The following ZNHIT6 variants were observed in gnomAD, a reference collection of about 807,000 sequenced individuals.
ZNHIT6 encodes zinc finger HIT-type containing 6.
Under a neutral mutation model 57.2 loss-of-function variants are expected in ZNHIT6, and 45 were observed. The observed-to-expected ratio is 0.79, with a 90% CI of 0.62 to 1.01. The LOEUF (loss-of-function observed/expected upper bound fraction) is 1.01. ZNHIT6 is among the 50% of genes least tolerant of loss of function. The pLI, the probability that ZNHIT6 is intolerant of heterozygous loss-of-function variation, is 0.00. For synonymous variants in ZNHIT6, 188 were observed against 190.0 expected, an observed-to-expected ratio of 0.99 and a Z score of 0.09; for missense variants, 528 against 567.3, an observed-to-expected ratio of 0.93 and a Z score of 0.70.
intron 8 of ZNHIT6, among the ~76,000 whole-genome samples, chr1:85,674,676 T>C (rs529469794): frequency 6.6e-6 from 1 of 152,220 alleles, no homozygotes; most frequent in Non-Finnish European, 1.5e-5. Flanking sequence ...CTGTTTCATC[T>C]TCTAAATTCA....
Position 85,691,763 on chromosome 1 carries a change from G to A in ZNHIT6, c.1019+10394C>T, listed in dbSNP as rs866627379. 2.0e-5 allele frequency among the ~76,000 whole-genome samples: 3 copies of A among 152,016 alleles called. No homozygotes were observed. The South Asian group carries it at 6.2e-4, about 32-fold the overall frequency. Reference sequence around the variant, plus strand: ...TAGCAGAGCGTGGTGGTGCAAGCCTGTAGTCTCAGCTCCCTGAGAGGCGGA... The same window carrying A: ...TAGCAGAGCGTGGTGGTGCAAGCCTATAGTCTCAGCTCCCTGAGAGGCGGA... On this transcript the variant is annotated intron_variant, in intron 5 of 9. Coordinates refer to ENST00000370574, the MANE Select transcript of ZNHIT6 (RefSeq NM_017953.4).
chr1:85,667,701 G>C (rs987854013), intron 8 of ZNHIT6, among the ~76,000 whole-genome samples: 2 of 150,392 alleles, frequency 1.3e-5, no homozygotes, highest in Non-Finnish European at 1.5e-5. Flanking sequence ...GGGAGGCTGA[G>C]GCAGGCAGAT....
At chr1:85,689,633 G>C (rs867763545) in intron 5 of ZNHIT6, among the ~76,000 whole-genome samples, 1 of 152,160 alleles carries the variant, frequency 6.6e-6, no homozygotes, top group African/African-American at 2.4e-5. Context: ...GATATAGCAG[G>C]TGAAGACGGA....
At chr1:85,670,432 T>G (rs1661527563) in intron 8 of ZNHIT6, among the ~76,000 whole-genome samples, 1 of 152,102 alleles carries the variant, frequency 6.6e-6, no homozygotes, top group Non-Finnish European at 1.5e-5. Context: ...CAGGCATATA[T>G]ACATATATAT....
chr1:85,671,721 AG>A (rs1367647081), intron 8 of ZNHIT6, among the ~76,000 whole-genome samples: 4 of 152,298 alleles, frequency 2.6e-5, no homozygotes, highest in Non-Finnish European at 5.9e-5. Flanking sequence ...ACAACGATGC[AG>A]TATCATTTCT....
chr1:85,708,375 G>A lies in ZNHIT6; in HGVS notation c.-91C>T. The A allele has an allele frequency of 1.4e-6, 2 of 1,473,070 alleles. No homozygotes were observed. Among genetic ancestry groups the A allele is most frequent in the African/African-American group, 1.4e-5 (1 of 71,726 alleles). The allele number at this position is 1,473,070 out of a possible 1,614,324, so 91.2% of individuals were successfully genotyped here. On this transcript the variant is annotated 5_prime_UTR_variant, in exon 1 of 10. Coordinates refer to ENST00000370574, the MANE Select transcript of ZNHIT6 (RefSeq NM_017953.4). ...AGGAATTACCGGTCGGAATACCTACGGCGGCCCACGTGTGGAGCCAAGCAG... is the reference window on the plus strand; with the variant it reads ...AGGAATTACCGGTCGGAATACCTACAGCGGCCCACGTGTGGAGCCAAGCAG...
intron 5 of ZNHIT6, among the ~76,000 whole-genome samples, chr1:85,701,125 T>C (rs185344702): frequency 1.3e-5 from 2 of 152,356 alleles, no homozygotes; most frequent in East Asian, 3.9e-4. Flanking sequence ...TGTTTATGTC[T>C]TATATAAAAT....
Position 85,702,245 on chromosome 1 carries a change from T to C in ZNHIT6, c.931A>G (p.Asn311Asp), listed in dbSNP as rs919006367. 1 of 1,603,192 alleles carries C rather than the reference T, an allele frequency of 6.2e-7. No homozygotes were observed. Among genetic ancestry groups the C allele is most frequent in the Non-Finnish European group, 8.5e-7 (1 of 1,176,074 alleles). Reference sequence around the variant, plus strand: ...TTAATACCTTGCCTCCGGGCACGATTTTTCATAAAGTACATCTAACAACAA... The same window carrying C: ...TTAATACCTTGCCTCCGGGCACGATCTTTCATAAAGTACATCTAACAACAA... ...ISNKYMYFMK[N>D]RARRQGINLK... The change falls in exon 5 of 10, where the codon AAT (asparagine) becomes GAT (aspartate). Residue 311 changes from asparagine (N) to aspartate (D), a missense_variant. Coordinates refer to ENST00000370574, the MANE Select transcript of ZNHIT6 (RefSeq NM_017953.4).
chr1:85,697,351 A>ATGTT (rs1369698358), intron 5 of ZNHIT6, among the ~76,000 whole-genome samples: 1 of 93,804 alleles, frequency 1.1e-5, no homozygotes, highest in Admixed American at 1.2e-4. Context: ...TCTGGATGGG[A>ATGTT]TGTTTCTTCT....
chr1:85,677,313 C>T lies in ZNHIT6; in HGVS notation c.1170G>A (p.Arg390=). The change falls in exon 8 of 10, where the codon AGG becomes AGA. Residue 390 remains arginine, a splice_region_variant and synonymous_variant. Transcript: ENST00000370574. ...TCTGAGAGCGAATGTAGGCTTTCAACCTGAAATAAAAACATCATATTGAAG... is the reference window on the plus strand; with the variant it reads ...TCTGAGAGCGAATGTAGGCTTTCAATCTGAAATAAAAACATCATATTGAAG... ...PEKSDPVIRQ[R]LKAYIRSQTG... is the part of the protein sequence containing the mutation. 6.2e-7 allele frequency: 1 copy of T among 1,603,190 alleles called. No homozygotes were observed. Among genetic ancestry groups the T allele is most frequent in the Non-Finnish European group, 8.5e-7 (1 of 1,176,538 alleles).
intron 9 of ZNHIT6, among the ~76,000 whole-genome samples, 188 bp from the exon 10 acceptor site, chr1:85,654,286 A>C (rs1570277238): frequency 6.6e-6 from 1 of 152,348 alleles, no homozygotes; most frequent in Non-Finnish European, 1.5e-5. Context: ...ATGATGTCTG[A>C]AAGTGGCAAT....
intron 8 of ZNHIT6, among the ~76,000 whole-genome samples, chr1:85,669,947 T>C (rs1444601615): frequency 6.6e-6 from 1 of 152,036 alleles, no homozygotes; most frequent in Non-Finnish European, 1.5e-5. Flanking sequence ...AAATGAAAAA[T>C]ACAGACCTGA....
At chr1:85,699,094 C>A (rs755467879) in intron 5 of ZNHIT6, among the ~76,000 whole-genome samples, 2 of 152,016 alleles carry the variant, frequency 1.3e-5, no homozygotes, top group Admixed American at 6.5e-5. Context: ...AAGCTATAAC[C>A]AACTTTTGAA....
intron 5 of ZNHIT6, among the ~76,000 whole-genome samples, chr1:85,681,972 GCTGA>G (rs949673915): frequency 6.5e-4 from 97 of 148,956 alleles, no homozygotes; most frequent in African/African-American, 2.4e-3. Context: ...TTATCACAAG[GCTGA>G]CTTTTTTTTT....
chr1:85,667,531 T>C (rs1024010762), intron 8 of ZNHIT6, among the ~76,000 whole-genome samples: 4 of 151,982 alleles, frequency 2.6e-5, no homozygotes, highest in Non-Finnish European at 5.9e-5. Context: ...ATTTATGGTG[T>C]ATTGTGAATA....
chr1:85,687,518 T>C (rs1048709736), intron 5 of ZNHIT6, among the ~76,000 whole-genome samples: 2 of 152,062 alleles, frequency 1.3e-5, no homozygotes, highest in South Asian at 2.1e-4. Context: ...TTGTAATTAA[T>C]GCACCATTAA....
intron 5 of ZNHIT6, among the ~76,000 whole-genome samples, chr1:85,689,224 G>C (rs1265846358): frequency 6.6e-6 from 1 of 152,002 alleles, no homozygotes; most frequent in Non-Finnish European, 1.5e-5. Flanking sequence ...AACTCTTCAA[G>C]AAAAATACAA....
chr1:85,679,648 G>A (rs1570308296), intron 6 of ZNHIT6, among the ~76,000 whole-genome samples: 1 of 148,330 alleles, frequency 6.7e-6, no homozygotes, highest in Non-Finnish European at 1.5e-5. Flanking sequence ...GCAGTGGCAT[G>A]ATCTTGGCTC....
intron 5 of ZNHIT6, among the ~76,000 whole-genome samples, chr1:85,694,262 T>C (rs1321091731): frequency 6.6e-6 from 1 of 152,198 alleles, no homozygotes; most frequent in African/African-American, 2.4e-5. Context: ...ACTACGGAAC[T>C]CTAGTTAACG....
Sources: gnomAD v4.1 joint callset for allele counts (sites outside exome capture counted in the v4.1 genomes callset) on GRCh38, gnomAD v4.1.1 for gene constraint, MANE v1.5 for transcripts, NCBI Gene and HGNC (gene_info 2026-07-23, HGNC 2026-07-21) for gene names.